ATP6V1E2: variants seen among roughly 807,000 people sequenced by gnomAD.
The protein encoded by ATP6V1E2 is ATPase H+ transporting V1 subunit E2.
For synonymous variants in ATP6V1E2, 121 were observed against 104.2 expected (o/e 1.16, Z -0.98); for missense variants, 308 against 273.3 (o/e 1.13, Z -0.90).
chr2:46,524,142 G>A lies in ATP6V1E2; in HGVS notation c.-101-11330C>T, dbSNP rs114833754. ...GACAAGTTTTTGGGCTGAGATGATG[G>A]GGTTTTGTAAATATAAAATCATGTC... On this transcript the variant is annotated intron_variant, in intron 4 of 4. Coordinates refer to ENST00000522587, the MANE Select transcript of ATP6V1E2 (RefSeq NM_001318063.2). 9.6e-3 allele frequency among the ~76,000 whole-genome samples: 1,445 copies of A among 151,134 alleles called. 28 individuals are homozygous for A. Among genetic ancestry groups the A allele is most frequent in the Admixed American group, 0.024 (361 of 15,248 alleles).
Position 46,512,409 on chromosome 2 carries a change from T to TCTCAGCTTCGC in ATP6V1E2, c.292_302dup (p.Leu102ArgfsTer3), listed in dbSNP as rs1161471553. ...CTGGGTCCTCCACAATCCTGCTGAG[T>TCTCAGCTTCGC]CTCAGCTTCGCCTCACTGAGCAAAT... is the stretch of plus-strand genomic sequence containing the variant. On this transcript the variant is annotated stop_gained and frameshift_variant, in exon 5 of 5. Coordinates refer to ENST00000522587, the MANE Select transcript of ATP6V1E2 (RefSeq NM_001318063.2). LOFTEE classifies it low-confidence loss of function (END_TRUNC). The TCTCAGCTTCGC allele has an allele frequency of 6.2e-7, 1 of 1,614,038 alleles. No homozygotes were observed. The highest frequency in any genetic ancestry group is 8.5e-7 in the Non-Finnish European group (1 of 1,180,044).
chr2:46,516,141 A>C (rs1316666817), intron 4 of ATP6V1E2, among the ~76,000 whole-genome samples: 1 of 152,246 alleles, frequency 6.6e-6, no homozygotes, highest in East Asian at 1.9e-4. Context: ...ATCAGTAAAA[A>C]AGCAGAGAAC....
rs763577759 is a variant in ATP6V1E2 at position 46,512,526 on chromosome 2, C to T, written c.186G>A (p.Lys62=). The T allele has an allele frequency of 6.8e-6, 11 of 1,614,204 alleles. No homozygotes were observed. The highest frequency in any genetic ancestry group is 9.3e-6 in the Non-Finnish European group (11 of 1,180,038). Residue 62 remains lysine, a synonymous_variant, in exon 5 of 5, where the codon AAG becomes AAA. Transcript: ENST00000522587. ...GGATTTTCTTCTGCTGCTCTATCTG[C>T]TTCTCCTTTTTCTCATAATACTCCA... ...KIMEYYEKKE[K]QIEQQKKILM...
At position 46,530,932 on chromosome 2, in the gene ATP6V1E2, C is replaced by T. The variant is rs929388458; in HGVS notation, c.-102+4881G>A. On this transcript the variant is annotated intron_variant, in intron 4 of 4. Coordinates refer to ENST00000522587, the MANE Select transcript of ATP6V1E2 (RefSeq NM_001318063.2). The surrounding 1 kb of genome is among the most constrained non-coding windows in gnomAD (Gnocchi z 5.2). The stretch of plus-strand genomic sequence containing the variant: ...TTCCCACCGGGCCCCTCCCGTGGCA[C>T]GTGGGAATTATGGGAGCTACAATTC... Among the ~76,000 whole-genome samples the T allele has an allele frequency of 1.3e-5, 2 of 152,174 alleles. No homozygotes were observed. Among genetic ancestry groups the T allele is most frequent in the Non-Finnish European group, 2.9e-5 (2 of 68,040 alleles).
At chr2:46,512,917 C>A in intron 4 of ATP6V1E2, 105 bp from the exon 5 acceptor site, 1 of 525,664 alleles carries the variant, frequency 1.9e-6, no homozygotes, top group South Asian at 2.8e-5. Context: ...AAATTGAGGT[C>A]CAGAGAAGGA....
chr2:46,525,461 C>CAAAAAAA (rs57428249), intron 4 of ATP6V1E2, among the ~76,000 whole-genome samples: 757 of 56,526 alleles, frequency 0.013, 32 homozygotes, highest in Non-Finnish European at 0.019. Context: ...GACTCCGTCT[C>CAAAAAAA]AAAAAAAAAA....
chr2:46,512,860 G>A, intron 4 of ATP6V1E2, 48 bp from the exon 5 acceptor site: 1 of 694,408 alleles, frequency 1.4e-6, no homozygotes. Context: ...AGGCTATAGA[G>A]GAGGATTACA....
At chr2:46,533,423 C>T (rs1029135593) in intron 4 of ATP6V1E2, among the ~76,000 whole-genome samples, 3 of 152,070 alleles carry the variant, frequency 2.0e-5, no homozygotes, top group Non-Finnish European at 2.9e-5. Flanking sequence ...TAGGAGTGTG[C>T]CACCACACCC....
chr2:46,539,802 C>A (rs560874236), intron 2 of ATP6V1E2, among the ~76,000 whole-genome samples: 1 of 152,304 alleles, frequency 6.6e-6, no homozygotes, highest in Non-Finnish European at 1.5e-5. Flanking sequence ...ACTCTTAAGC[C>A]CCAGGTCAAT....
chr2:46,531,206 C>A lies in ATP6V1E2; in HGVS notation c.-102+4607G>T, dbSNP rs149301865. Among the ~76,000 whole-genome samples, 33 of 152,338 alleles carry A rather than the reference C, an allele frequency of 2.2e-4. No individual in the cohort carries two copies. In the East Asian group the frequency reaches 6.4e-3, roughly 29 times the overall value. ...CCTTCAAACCCTACCATCCCCAGCC[C>A]ATAGCAACCACCAACTTACATTCTG... On this transcript the variant is annotated intron_variant, in intron 4 of 4. Coordinates refer to ENST00000522587, the MANE Select transcript of ATP6V1E2 (RefSeq NM_001318063.2).
At chr2:46,518,285 C>T (rs2346414) in intron 4 of ATP6V1E2, among the ~76,000 whole-genome samples, 53,617 of 151,756 alleles carry the variant, frequency 0.35, 9,724 homozygotes, top group Middle Eastern at 0.39. Context: ...TATGGGATAT[C>T]TAAAGTAGTC....
At chr2:46,514,686 T>G (rs1687635488) in intron 4 of ATP6V1E2, among the ~76,000 whole-genome samples, 2 of 151,988 alleles carry the variant, frequency 1.3e-5, no homozygotes, top group Admixed American at 6.6e-5. Flanking sequence ...GACCAATATA[T>G]GCATTATGGG....
Position 46,542,520 on chromosome 2 carries a change from C to A in ATP6V1E2, c.-677G>T, listed in dbSNP as rs1188311714. On this transcript the variant is annotated 5_prime_UTR_variant, in exon 1 of 5. Coordinates refer to ENST00000522587, the MANE Select transcript of ATP6V1E2 (RefSeq NM_001318063.2). ...CCTGCGCGCCCCTCCGCGCGGCCCT[C>A]GCAGGGAGTGGGGCTCGGGTGCGCC... is the stretch of plus-strand genomic sequence containing the variant. The A allele has an allele frequency of 6.7e-6, 1 of 149,570 alleles. No homozygotes were observed. Among genetic ancestry groups the A allele is most frequent in the Non-Finnish European group, 1.5e-5 (1 of 67,454 alleles). 9.3% of individuals were successfully genotyped at this position (149,570 alleles called of 1,614,324 possible).
intron 4 of ATP6V1E2, among the ~76,000 whole-genome samples, chr2:46,513,060 G>A (rs1687549092): frequency 6.6e-6 from 1 of 152,172 alleles, no homozygotes; most frequent in Non-Finnish European, 1.5e-5. Context: ...TAGTCCAGAA[G>A]TTCTCTACAC....
At chr2:46,525,732 A>T (rs1329595459) in intron 4 of ATP6V1E2, among the ~76,000 whole-genome samples, 1 of 152,218 alleles carries the variant, frequency 6.6e-6, no homozygotes, top group East Asian at 1.9e-4. Flanking sequence ...TAATGCCTAC[A>T]GGCAGGGGAA....
chr2:46,511,960 A>T lies in ATP6V1E2; in HGVS notation c.*71T>A. ...GCATCAAAGAGGAGGAAACACTACT[A>T]GTTTCCTTTCCCCAAAAAACTTAAA... On this transcript the variant is annotated 3_prime_UTR_variant, in exon 5 of 5. Coordinates refer to ENST00000522587, the MANE Select transcript of ATP6V1E2 (RefSeq NM_001318063.2). 2 of 1,314,302 alleles carry T rather than the reference A, an allele frequency of 1.5e-6. No homozygotes were observed. The highest frequency in any genetic ancestry group is 2.1e-6 in the Non-Finnish European group (2 of 956,494). The allele number at this position is 1,314,302 out of a possible 1,614,324, so 81.4% of individuals were successfully genotyped here.
intron 2 of ATP6V1E2, among the ~76,000 whole-genome samples, chr2:46,539,668 C>G (rs191776260): frequency 3.3e-5 from 5 of 152,358 alleles, no homozygotes; most frequent in African/African-American, 1.2e-4. Context: ...TCCCCAGCAC[C>G]ACTAATCATG....
chr2:46,513,958 T>C (rs1250689229), intron 4 of ATP6V1E2, among the ~76,000 whole-genome samples: 1 of 152,156 alleles, frequency 6.6e-6, no homozygotes, highest in Admixed American at 6.5e-5. Context: ...CAAACCCGGA[T>C]GTATATCTGA....
intron 4 of ATP6V1E2, among the ~76,000 whole-genome samples, chr2:46,533,263 G>A (rs906955117): frequency 8.0e-5 from 12 of 150,898 alleles, no homozygotes; most frequent in Non-Finnish European, 1.8e-4. Context: ...AGAATGGTTT[G>A]GGGTTTTTTT....
Sources: gnomAD v4.1 joint callset for allele counts (sites outside exome capture counted in the v4.1 genomes callset) on GRCh38, gnomAD v4.1.1 for gene constraint, Gnocchi (gnomAD v3.1) non-coding constraint, MANE v1.5 for transcripts, NCBI Gene and HGNC (gene_info 2026-07-23, HGNC 2026-07-21) for gene names.